BCL7C: variants seen among roughly 807,000 people sequenced by gnomAD.
The protein encoded by BCL7C is B-cell CLL/lymphoma 7 protein family member C.
A neutral mutation model predicts 26.2 loss-of-function variants in BCL7C; 8 were observed. That is an observed-to-expected ratio of 0.30 (90% CI 0.18 to 0.55). The LOEUF is 0.55. BCL7C is among the 20% of genes least tolerant of loss of function. The pLI is 0.93. For synonymous variants in BCL7C, 90 were observed against 116.5 expected (o/e 0.77, Z 1.47); for missense variants, 262 against 298.5 (o/e 0.88, Z 0.90).
intron 5 of BCL7C, among the ~76,000 whole-genome samples, chr16:30,846,601 T>C (rs2054637572): frequency 6.6e-6 from 1 of 152,198 alleles, no homozygotes; most frequent in Non-Finnish European, 1.5e-5. Context: ...TTTAGAATTG[T>C]CTTTAGCTCT....
At chr16:30,877,721 G>A (rs922804799) in intron 5 of BCL7C, among the ~76,000 whole-genome samples, 4 of 151,390 alleles carry the variant, frequency 2.6e-5, no homozygotes, top group Admixed American at 2.6e-4. Flanking sequence ...TTACAGGCGT[G>A]AGCCACCGCG....
At chr16:30,868,793 AC>A (rs2054855159) in intron 5 of BCL7C, among the ~76,000 whole-genome samples, 1 of 152,020 alleles carries the variant, frequency 6.6e-6, no homozygotes, top group East Asian at 1.9e-4. Flanking sequence ...CTGAAACAAA[AC>A]AAAAAACAAC....
downstream of BCL7C, among the ~76,000 whole-genome samples, chr16:30,883,408 T>A (rs1176934755): frequency 1.3e-5 from 2 of 151,982 alleles, no homozygotes; most frequent in East Asian, 3.9e-4. Flanking sequence ...TGGAGTGCAG[T>A]GGCACAGTCA....
chr16:30,842,073 C>G lies in BCL7C; in HGVS notation c.529-6925G>C, dbSNP rs186909425. On this transcript the variant is annotated intron_variant, in intron 5 of 5. Coordinates refer to the BCL7C transcript ENST00000380317. ...TGTCTTTTATTCCCGTGTTCACCCC[C>G]CTTTGTTCAGTCTCCCAAGGTCCGT... Among the ~76,000 whole-genome samples, 42 of 152,174 alleles carry G rather than the reference C, an allele frequency of 2.8e-4. 1 individual carries two copies. Among genetic ancestry groups the G allele is most frequent in the East Asian group, 7.7e-4 (4 of 5,180 alleles).
intron 4 of BCL7C, among the ~76,000 whole-genome samples, chr16:30,892,313 G>A (rs1203590038): frequency 7.2e-6 from 1 of 137,956 alleles, no homozygotes; most frequent in Non-Finnish European, 1.6e-5. Context: ...ATCAATATGG[G>A]CCCAACATTC....
Position 30,834,960 on chromosome 16 carries a change from A to G in BCL7C, c.717T>C (p.Gly239=). The change falls in exon 6 of 6, where the codon GGT becomes GGC. Residue 239 remains glycine, a synonymous_variant. Coordinates refer to the BCL7C transcript ENST00000380317. This position sits in a 1 kb window ranked among gnomAD's most constrained non-coding sequence, Gnocchi z 4.3. ...TTGGGGAGCCCACTCACCTCCCCTT[A>G]CCCTGGGGGATTGTTCTGGGTGCCC... 6.5e-7 allele frequency: 1 copy of G among 1,539,950 alleles called. No homozygotes were observed. The highest frequency in any genetic ancestry group is 2.5e-5 in the East Asian group (1 of 40,554).
chr16:30,879,700 A>AAAAAAAAAAAAAAAAAAAAAAAAAAAC (rs758573108), intron 5 of BCL7C, among the ~76,000 whole-genome samples: 4 of 135,096 alleles, frequency 3.0e-5, no homozygotes, highest in Non-Finnish European at 5.0e-5. Flanking sequence ...AAAAAAAAAA[A>AAAAAAAAAAAAAAAAAAAAAAAAAAAC]AAAAAAAAAC....
intron 5 of BCL7C, among the ~76,000 whole-genome samples, chr16:30,869,227 G>GCGACAGGGTCTCACTC (rs1717808200): frequency 4.6e-5 from 7 of 151,790 alleles, no homozygotes; most frequent in Admixed American, 2.0e-4. Flanking sequence ...TTTGTTTTTT[G>GCGACAGGGTCTCACTC]CGACAGGGTC....
intron 5 of BCL7C, among the ~76,000 whole-genome samples, chr16:30,878,305 C>CGGGT (rs2054985314): frequency 6.6e-6 from 1 of 151,004 alleles, no homozygotes; most frequent in Non-Finnish European, 1.5e-5. Flanking sequence ...CCGAGGGAGA[C>CGGGT]GGATCACAAG....
chr16:30,871,695 G>A (rs1052047538), intron 5 of BCL7C, among the ~76,000 whole-genome samples: 1 of 152,154 alleles, frequency 6.6e-6, no homozygotes, highest in African/African-American at 2.4e-5. Context: ...ATGTTGGCCA[G>A]GCTGGTCTTG....
At chr16:30,842,789 C>T (rs1440918585) in intron 5 of BCL7C, among the ~76,000 whole-genome samples, 1 of 152,156 alleles carries the variant, frequency 6.6e-6, no homozygotes, top group Non-Finnish European at 1.5e-5. Context: ...AGGATGGTCT[C>T]GATCTCCTGA....
intron 5 of BCL7C, among the ~76,000 whole-genome samples, chr16:30,848,091 G>A (rs2054647161): frequency 6.6e-6 from 1 of 152,096 alleles, no homozygotes; most frequent in South Asian, 2.1e-4. Flanking sequence ...GAGACTACTT[G>A]GCTGGTTGAC....
At position 30,893,034 on chromosome 16, in the gene BCL7C, T is replaced by G. The variant is rs1419530545; in HGVS notation, c.172-86A>C. The G allele has an allele frequency of 7.3e-7, 1 of 1,373,118 alleles. No homozygotes were observed. The highest frequency in any genetic ancestry group is 2.3e-5 in the East Asian group (1 of 43,098). 85.1% of individuals were successfully genotyped at this position (1,373,118 alleles called of 1,614,324 possible). ...CTGAGGCACTGAGAAGCAAAAGGGC[T>G]CAAACTCAGGGGGTGTGGAGCAGAA... On this transcript the variant is annotated intron_variant, in intron 2 of 5. Transcript: ENST00000215115. The surrounding 1 kb of genome is among the most constrained non-coding windows in gnomAD (Gnocchi z 5.2).
At chr16:30,877,139 A>C (rs1428716932) in intron 5 of BCL7C, among the ~76,000 whole-genome samples, 1 of 151,508 alleles carries the variant, frequency 6.6e-6, no homozygotes, top group East Asian at 1.9e-4. Flanking sequence ...AAGGGCAGAG[A>C]CTCCGCCCCC....
At chr16:30,838,458 G>A (rs2054582446) in intron 5 of BCL7C, among the ~76,000 whole-genome samples, 1 of 152,180 alleles carries the variant, frequency 6.6e-6, no homozygotes, top group South Asian at 2.1e-4. Context: ...TTGCTCCTTG[G>A]AGGATTTTGG....
chr16:30,886,676 T>G (rs1044425764), downstream of BCL7C, among the ~76,000 whole-genome samples: 1 of 151,960 alleles, frequency 6.6e-6, no homozygotes, highest in African/African-American at 2.4e-5. Context: ...AAGGGGTTGC[T>G]GGAGCTCAAA....
chr16:30,893,315 CAG>C lies in BCL7C; in HGVS notation c.93-27_93-26del, dbSNP rs1266005523. 3 of 1,605,044 alleles carry C rather than the reference CAG, an allele frequency of 1.9e-6. No individual in the cohort carries two copies. The highest frequency in any genetic ancestry group is 2.6e-6 in the Non-Finnish European group (3 of 1,174,026). On this transcript the variant is annotated intron_variant, in intron 1 of 5. Coordinates refer to ENST00000215115, the MANE Select transcript of BCL7C (RefSeq NM_004765.4). This position sits in a 1 kb window ranked among gnomAD's most constrained non-coding sequence, Gnocchi z 5.2. ...CCTGTGGGAGGGTGGGGGGCTGGGT[CAG>C]AGAGGCCTGAGGGGAGACCCACCCC...
intron 5 of BCL7C, among the ~76,000 whole-genome samples, chr16:30,865,391 T>G (rs2151374670): frequency 6.6e-6 from 1 of 151,838 alleles, no homozygotes; most frequent in East Asian, 2.0e-4. Flanking sequence ...CCCGGAAGCG[T>G]GTGACAGTCT....
intron 5 of BCL7C, among the ~76,000 whole-genome samples, chr16:30,876,727 G>A (rs2054955777): frequency 6.6e-6 from 1 of 152,300 alleles, no homozygotes; most frequent in South Asian, 2.1e-4. Flanking sequence ...GGGAAGGAAA[G>A]GGCTTCACAG....
Sources: gnomAD v4.1 joint callset for allele counts (sites outside exome capture counted in the v4.1 genomes callset) on GRCh38, gnomAD v4.1.1 for gene constraint, Gnocchi (gnomAD v3.1) non-coding constraint, MANE v1.5 for transcripts, NCBI Gene and HGNC (gene_info 2026-07-23, HGNC 2026-07-21) for gene names.